The following PKD1L1 variants were observed in gnomAD, a reference collection of about 807,000 sequenced individuals.
The protein encoded by PKD1L1 is polycystin-1-like protein 1.
Under a neutral mutation model 323.4 loss-of-function variants are expected in PKD1L1, and 236 were observed. That is an observed-to-expected ratio of 0.73 (90% CI 0.66 to 0.81). The LOEUF (loss-of-function observed/expected upper bound fraction) is 0.81. Ranked by LOEUF, PKD1L1 falls within the 40% of genes least tolerant of loss-of-function variation. PKD1L1 has a pLI of 0.00. For synonymous variants in PKD1L1, 1,344 were observed against 1,335.0 expected (o/e 1.01, Z -0.15); for missense variants, 3,320 against 3,508.0 (o/e 0.95, Z 1.35).
At chr7:47,797,917 A>G (rs1784577501) in intron 54 of PKD1L1, among the ~76,000 whole-genome samples, 1 of 152,158 alleles carries the variant, frequency 6.6e-6, no homozygotes, top group Non-Finnish European at 1.5e-5. Flanking sequence ...GAGAACTATA[A>G]AACAGTGATG....
chr7:47,786,781 CA>C (rs1467373808), intron 56 of PKD1L1, among the ~76,000 whole-genome samples: 1 of 152,176 alleles, frequency 6.6e-6, no homozygotes, highest in Non-Finnish European at 1.5e-5. Context: ...AGGAGCAGGG[CA>C]AGAGCTCGGA....
chr7:47,849,927 C>A (rs1253114947), intron 31 of PKD1L1, among the ~76,000 whole-genome samples: 2 of 152,168 alleles, frequency 1.3e-5, no homozygotes, highest in East Asian at 1.9e-4. Flanking sequence ...GAATGGAAAA[C>A]CAAATATTTT....
chr7:47,812,170 C>T lies in PKD1L1; in HGVS notation c.7347-119G>A, dbSNP rs139363599. The stretch of plus-strand genomic sequence containing the variant: ...CCCTATGCTAGACTTTGCAAGGACA[C>T]ACAGTGCCTGGGCTTCAAGGGGCAG... On this transcript the variant is annotated intron_variant, in intron 49 of 56. Coordinates refer to ENST00000289672, the MANE Select transcript of PKD1L1 (RefSeq NM_138295.5). 357 of 791,814 alleles carry T rather than the reference C, an allele frequency of 4.5e-4. 5 individuals carry two copies. The African/African-American group carries it at 5.7e-3, about 13-fold the overall frequency. 49.0% of individuals were successfully genotyped at this position (791,814 alleles called of 1,614,324 possible).
intron 45 of PKD1L1, among the ~76,000 whole-genome samples, chr7:47,825,727 C>A (rs4720618): frequency 0.98 from 149,834 of 152,180 alleles, 73,825 homozygotes; most frequent in East Asian, 1. Flanking sequence ...GTTTTCCTCA[C>A]TGAAATCTTA....
chr7:47,912,826 A>G (rs1787350509), intron 8 of PKD1L1, among the ~76,000 whole-genome samples: 2 of 151,580 alleles, frequency 1.3e-5, no homozygotes, highest in South Asian at 4.2e-4. Flanking sequence ...AAAAAAAAAA[A>G]AAAAAAAAAA....
At chr7:47,953,593 A>C in the PKD1L1 span, among the ~76,000 whole-genome samples, 1 of 152,222 alleles carries the variant, frequency 6.6e-6, no homozygotes, top group Non-Finnish European at 1.5e-5. Flanking sequence ...AGGGAGGCCC[A>C]CCTGTCATTT....
chr7:47,832,726 C>T (rs529278340), intron 41 of PKD1L1, among the ~76,000 whole-genome samples: 1 of 152,382 alleles, frequency 6.6e-6, no homozygotes, highest in South Asian at 2.1e-4. Flanking sequence ...AGGGTAATCC[C>T]TGCCTCTACC....
chr7:47,797,346 C>T (rs190835088), intron 54 of PKD1L1, among the ~76,000 whole-genome samples: 4 of 152,314 alleles, frequency 2.6e-5, no homozygotes, highest in African/African-American at 9.6e-5. Flanking sequence ...CAAAACATTA[C>T]CCAGATAAAG....
At chr7:47,794,708 T>C (rs1787033849) in intron 55 of PKD1L1, among the ~76,000 whole-genome samples, 1 of 152,182 alleles carries the variant, frequency 6.6e-6, no homozygotes, top group Admixed American at 6.5e-5. Context: ...AGACACTCAA[T>C]GCCAGCCCAT....
chr7:47,923,110 T>G (rs953341522), intron 7 of PKD1L1, among the ~76,000 whole-genome samples: 2 of 152,056 alleles, frequency 1.3e-5, no homozygotes, highest in Non-Finnish European at 2.9e-5. Flanking sequence ...AGGTGTGCTT[T>G]GTTAAACAGA....
At chr7:47,947,823 CGGGCGTGGTGGT>C (rs1788131412) in intron 1 of PKD1L1, among the ~76,000 whole-genome samples, 1 of 151,834 alleles carries the variant, frequency 6.6e-6, no homozygotes, top group Non-Finnish European at 1.5e-5. Flanking sequence ...AAAAATTAGT[CGGGCGTGGTGGT>C]GGGCGCCTGT....
At chr7:47,778,872 T>C (rs923443959) in intron 56 of PKD1L1, among the ~76,000 whole-genome samples, 10 of 152,216 alleles carry the variant, frequency 6.6e-5, no homozygotes, top group African/African-American at 4.8e-5. Context: ...TTACTTCAAA[T>C]GCAAGGCAGA....
At chr7:47,937,548 G>A (rs1367276563) in intron 3 of PKD1L1, among the ~76,000 whole-genome samples, 3 of 152,136 alleles carry the variant, frequency 2.0e-5, no homozygotes, top group African/African-American at 7.2e-5. Flanking sequence ...AGAGTGGCAC[G>A]CTCCAATGCA....
At position 47,883,467 on chromosome 7, in the gene PKD1L1, C is replaced by CA. The variant is rs1262162220; in HGVS notation, c.3265+1130dup. ...TTGCCTTTCTTTGCCGTGGAAAACCCAAAAAAAACCTTGGCTTAAGGGCTC... is the reference window on the plus strand; with the variant it reads ...TTGCCTTTCTTTGCCGTGGAAAACCCAAAAAAAAACCTTGGCTTAAGGGCTC... On this transcript the variant is annotated intron_variant, in intron 19 of 56. Transcript: ENST00000289672. Among the ~76,000 whole-genome samples the CA allele has an allele frequency of 3.9e-5, 6 of 151,944 alleles. 1 individual carries two copies. Among genetic ancestry groups the CA allele is most frequent in the Admixed American group, 2.0e-4 (3 of 15,256 alleles).
chr7:47,935,562 G>A (rs966210771), intron 4 of PKD1L1, among the ~76,000 whole-genome samples: 6 of 152,202 alleles, frequency 3.9e-5, no homozygotes, highest in Admixed American at 2.0e-4. Context: ...CTGCAATGGG[G>A]GGGAACACAG....
intron 21 of PKD1L1, among the ~76,000 whole-genome samples, chr7:47,879,448 A>C (rs969734770): frequency 1.3e-5 from 2 of 152,030 alleles, no homozygotes; most frequent in Non-Finnish European, 2.9e-5. Context: ...CCTGGCCAAC[A>C]TGGTGAAACC....
At position 47,848,346 on chromosome 7, in the gene PKD1L1, T is replaced by TA. The variant is rs553778435; in HGVS notation, c.4961-1276dup. On this transcript the variant is annotated intron_variant, in intron 31 of 56. Coordinates refer to ENST00000289672, the MANE Select transcript of PKD1L1 (RefSeq NM_138295.5). The stretch of plus-strand genomic sequence containing the variant: ...ATACAATGGAGAAGCACATAGCAGT[T>TA]AAAAAAAAAAGATATCGATGAATAA... Among the ~76,000 whole-genome samples, 141 of 148,802 alleles carry TA rather than the reference T, an allele frequency of 9.5e-4. 1 individual carries two copies. Among genetic ancestry groups the TA allele is most frequent in the African/African-American group, 3.1e-3 (125 of 40,662 alleles).
At chr7:47,855,350 G>T in intron 28 of PKD1L1, 85 bp from the exon 29 acceptor site, 2 of 925,578 alleles carry the variant, frequency 2.2e-6, no homozygotes, top group African/African-American at 1.8e-5. Flanking sequence ...GTATCGTGGT[G>T]CTGCTATTAC....
chr7:47,782,144 C>T (rs1036822917), intron 56 of PKD1L1, among the ~76,000 whole-genome samples: 1 of 152,152 alleles, frequency 6.6e-6, no homozygotes, highest in Non-Finnish European at 1.5e-5. Context: ...CACTCTGACC[C>T]ACCATCCAAT....
Sources: allele counts gnomAD v4.1 joint callset (sites outside exome capture counted in the v4.1 genomes callset), GRCh38; gene constraint gnomAD v4.1.1; transcripts MANE v1.5; gene names NCBI Gene and HGNC (gene_info 2026-07-23, HGNC 2026-07-21).